The following PTAR1 variants were observed in gnomAD, a reference collection of about 807,000 sequenced individuals.
The protein encoded by PTAR1 is protein prenyltransferase alpha subunit repeat-containing protein 1.
In PTAR1, 17 loss-of-function variants were observed where a neutral mutation model predicts 45.5. The ratio of observed to expected loss-of-function variants is 0.37; its 90% CI spans 0.26 to 0.56. The LOEUF (loss-of-function observed/expected upper bound fraction) is 0.56. Among genes scored for constraint, PTAR1 ranks in the 20% least tolerant of loss-of-function variants. PTAR1 has a pLI of 0.77. For synonymous variants in PTAR1, 169 were observed against 171.3 expected (o/e 0.99, Z 0.11); for missense variants, 391 against 476.3 (o/e 0.82, Z 1.67).
At chr9:69,755,423 G>A (rs1430238529) in intron 1 of PTAR1, among the ~76,000 whole-genome samples, 1 of 152,072 alleles carries the variant, frequency 6.6e-6, no homozygotes, top group Non-Finnish European at 1.5e-5. Context: ...CAGCTTCTCT[G>A]TCTATACTTC....
chr9:69,723,771 C>T (rs1235893208), intron 5 of PTAR1, 141 bp from the exon 6 acceptor site: 4 of 661,188 alleles, frequency 6.0e-6, no homozygotes, highest in Non-Finnish European at 1.0e-5. Flanking sequence ...ATGTCTAGCA[C>T]AGTGCTCTCA....
intron 2 of PTAR1, among the ~76,000 whole-genome samples, chr9:69,743,099 T>C (rs1826115303): frequency 6.6e-6 from 1 of 152,194 alleles, no homozygotes; most frequent in African/African-American, 2.4e-5. Context: ...ACCATTTATT[T>C]AGCATTACTG....
intron 5 of PTAR1, among the ~76,000 whole-genome samples, chr9:69,725,601 A>AC (rs1015302194): frequency 4.6e-5 from 7 of 151,442 alleles, no homozygotes; most frequent in African/African-American, 7.3e-5. Flanking sequence ...AAAAAGAAAA[A>AC]AAATATATAT....
chr9:69,748,112 T>A (rs1267960837), intron 2 of PTAR1, among the ~76,000 whole-genome samples: 2 of 152,128 alleles, frequency 1.3e-5, no homozygotes, highest in African/African-American at 4.8e-5. Context: ...TAATAACATT[T>A]GTCTGGATGA....
At position 69,746,362 on chromosome 9, in the gene PTAR1, G is replaced by A. The variant is rs368213283; in HGVS notation, c.256+4419C>T. Among the ~76,000 whole-genome samples the A allele has an allele frequency of 7.2e-5, 11 of 152,310 alleles. No individual in the cohort carries two copies. In the South Asian group the frequency reaches 2.3e-3, roughly 32 times the overall value. On this transcript the variant is annotated intron_variant, in intron 2 of 7. Transcript: ENST00000340434. ...CTAAGTGACTTCAGTGTGCTGACAA[G>A]TTCAGTTTAAATCCAGGTCTGCTGT...
chr9:69,742,637 T>C (rs1307057926), intron 2 of PTAR1, among the ~76,000 whole-genome samples: 1 of 152,114 alleles, frequency 6.6e-6, no homozygotes, highest in Non-Finnish European at 1.5e-5. Context: ...GTATGACTCC[T>C]ACTAAGCATT....
intron 5 of PTAR1, among the ~76,000 whole-genome samples, chr9:69,728,875 T>C (rs1490593903): frequency 6.6e-6 from 1 of 152,168 alleles, no homozygotes; most frequent in Non-Finnish European, 1.5e-5. Context: ...AGAAAACAAA[T>C]ATATGCTTTT....
rs1824715072 is a variant in PTAR1 at position 69,716,017 on chromosome 9, T to G, written c.*2325A>C. The G allele has an allele frequency of 1.3e-5, 2 of 152,136 alleles. No individual in the cohort carries two copies. Among genetic ancestry groups the G allele is most frequent in the African/African-American group, 4.8e-5 (2 of 41,452 alleles). 9.4% of individuals were successfully genotyped at this position (152,136 alleles called of 1,614,324 possible). ...GTTTACACACCAAAGATAGGCAAGA[T>G]AATCAGTGGAAGGTACACAAAGGCA... On this transcript the variant is annotated 3_prime_UTR_variant, in exon 8 of 8. Coordinates refer to ENST00000340434, the MANE Select transcript of PTAR1 (RefSeq NM_001099666.2).
intron 1 of PTAR1, among the ~76,000 whole-genome samples, chr9:69,756,734 C>G (rs910125858): frequency 6.6e-6 from 1 of 152,134 alleles, no homozygotes; most frequent in African/African-American, 2.4e-5. Flanking sequence ...CCAGCCTCCT[C>G]TCCACTTCTA....
Position 69,723,313 on chromosome 9 carries a change from T to G in PTAR1, c.947+13A>C. 6.2e-7 allele frequency: 1 copy of G among 1,607,060 alleles called. No individual in the cohort carries two copies. The highest frequency in any genetic ancestry group is 8.5e-7 in the Non-Finnish European group (1 of 1,174,778). On this transcript the variant is annotated intron_variant, in intron 6 of 7. Coordinates refer to ENST00000340434, the MANE Select transcript of PTAR1 (RefSeq NM_001099666.2). ...GCAGTTTTGTGTAGGAAATAGATTT[T>G]CCCTTTTCTTACCTATGACACCAAA... is the stretch of plus-strand genomic sequence containing the variant.
In PTAR1 at chr9:69,718,688, C is replaced by A. The variant is rs767954931; in HGVS notation, c.948-4G>T. ...CTGAAGGTAGAAAATATGCCGCCTG[C>A]GATAGAGAGGGGAAGGAAGAGAATA... On this transcript the variant is annotated splice_region_variant and splice_polypyrimidine_tract_variant and intron_variant, in intron 6 of 7. Coordinates refer to ENST00000340434, the MANE Select transcript of PTAR1 (RefSeq NM_001099666.2). The A allele has an allele frequency of 6.5e-7, 1 of 1,545,328 alleles. No homozygotes were observed. Among genetic ancestry groups the A allele is most frequent in the Non-Finnish European group, 8.7e-7 (1 of 1,144,146 alleles).
chr9:69,732,841 A>G (rs1289401359), intron 4 of PTAR1, among the ~76,000 whole-genome samples: 1 of 152,224 alleles, frequency 6.6e-6, no homozygotes, highest in Admixed American at 6.5e-5. Flanking sequence ...ATTCTGTATT[A>G]TAGCATAAAA....
intron 2 of PTAR1, among the ~76,000 whole-genome samples, chr9:69,743,758 A>C (rs1826141978): frequency 6.6e-6 from 1 of 152,224 alleles, no homozygotes; most frequent in South Asian, 2.1e-4. Context: ...ACAAAGATTA[A>C]AGTAGGCCCT....
intron 2 of PTAR1, among the ~76,000 whole-genome samples, chr9:69,745,521 T>C (rs761742803): frequency 6.6e-6 from 1 of 152,228 alleles, no homozygotes; most frequent in Non-Finnish European, 1.5e-5. Context: ...GAGAGACTTC[T>C]GTACAGCAGC....
rs1415134715 is a variant in PTAR1 at position 69,713,967 on chromosome 9, TTAAATA to T, written c.*4369_*4374del. 5 of 152,134 alleles carry T rather than the reference TTAAATA, an allele frequency of 3.3e-5. No individual in the cohort carries two copies. Among genetic ancestry groups the T allele is most frequent in the African/African-American group, 1.2e-4 (5 of 41,440 alleles). 9.4% of individuals were successfully genotyped at this position (152,134 alleles called of 1,614,324 possible). On this transcript the variant is annotated 3_prime_UTR_variant, in exon 8 of 8. Coordinates refer to ENST00000340434, the MANE Select transcript of PTAR1 (RefSeq NM_001099666.2). ...AACTTCCATCCTGTTTTCTTAAACA[TTAAATA>T]TAATCTTGCTCCCAAAAAAGTAAGA...
At chr9:69,743,331 T>C (rs1381020899) in intron 2 of PTAR1, among the ~76,000 whole-genome samples, 3 of 152,162 alleles carry the variant, frequency 2.0e-5, no homozygotes, top group African/African-American at 4.8e-5. Flanking sequence ...CCTACAATAA[T>C]TGGGACATTT....
chr9:69,727,652 T>C (rs1036931211), intron 5 of PTAR1, among the ~76,000 whole-genome samples: 1 of 152,206 alleles, frequency 6.6e-6, no homozygotes, highest in Non-Finnish European at 1.5e-5. Context: ...TATTATGTAT[T>C]GGAATTTGTT....
chr9:69,719,624 T>C (rs1413069749), intron 6 of PTAR1, among the ~76,000 whole-genome samples: 2 of 152,192 alleles, frequency 1.3e-5, no homozygotes, highest in Non-Finnish European at 2.9e-5. Context: ...AACCGGCCTA[T>C]GTAATACAGG....
intron 2 of PTAR1, among the ~76,000 whole-genome samples, chr9:69,744,499 C>G (rs1826183982): frequency 6.6e-6 from 1 of 151,906 alleles, no homozygotes; most frequent in South Asian, 2.1e-4. Context: ...GATTCTCATG[C>G]CTCAGCCTCC....
Sources: gnomAD v4.1 joint callset for allele counts (sites outside exome capture counted in the v4.1 genomes callset) on GRCh38, gnomAD v4.1.1 for gene constraint, MANE v1.5 for transcripts, NCBI Gene and HGNC (gene_info 2026-07-23, HGNC 2026-07-21) for gene names.